Variants in ESRRG observed in about 807,000 individuals in gnomAD.
The protein encoded by ESRRG is estrogen-related receptor gamma.
A neutral mutation model predicts 44.0 loss-of-function variants in ESRRG; 13 were observed. The observed-to-expected ratio is 0.30, with a 90% CI of 0.19 to 0.47. The LOEUF (loss-of-function observed/expected upper bound fraction) is 0.47. Ranked by LOEUF, ESRRG falls within the 20% of genes least tolerant of loss-of-function variation. The pLI is 1.00. For missense variants in ESRRG, 395 were observed against 580.6 expected (o/e 0.68, Z 3.29); for synonymous variants, 215 against 214.6 (o/e 1.00, Z -0.02).
chr1:216,854,353 C>CAAAAA (rs57421256), intron 2 of ESRRG, among the ~76,000 whole-genome samples: 79 of 67,088 alleles, frequency 1.2e-3, no homozygotes, highest in Admixed American at 1.6e-3. Context: ...AAGACACCAT[C>CAAAAA]AAAAAAAAAA....
At chr1:217,003,842 C>T (rs1489314928) in intron 1 of ESRRG, among the ~76,000 whole-genome samples, 1 of 150,896 alleles carries the variant, frequency 6.6e-6, no homozygotes, top group East Asian at 1.9e-4. Flanking sequence ...TTTCAATGTC[C>T]AGATGACATA....
At chr1:216,969,288 A>G (rs1433966803) in intron 1 of ESRRG, among the ~76,000 whole-genome samples, 1 of 152,178 alleles carries the variant, frequency 6.6e-6, no homozygotes, top group Non-Finnish European at 1.5e-5. Flanking sequence ...CCACTTGAGG[A>G]GAGATATTCT....
chr1:216,712,714 T>C (rs1487494710), intron 1 of ESRRG, among the ~76,000 whole-genome samples: 1 of 152,220 alleles, frequency 6.6e-6, no homozygotes, highest in East Asian at 1.9e-4. Flanking sequence ...CAGTGATGCA[T>C]TTTTATGTTT....
rs2150595329 is a variant in ESRRG at position 216,627,380 on chromosome 1, G to A, written c.589+23593C>T. Among the ~76,000 whole-genome samples the A allele has an allele frequency of 2.0e-5, 3 of 152,096 alleles. No homozygotes were observed. In the South Asian group the frequency reaches 6.2e-4, roughly 32 times the overall value. Reference sequence around the variant, plus strand: ...CCCTCCTTTTCTTTTTGGTCACATTGTATCTGGTTTTTACTCTCTGAGATG... The same window carrying A: ...CCCTCCTTTTCTTTTTGGTCACATTATATCTGGTTTTTACTCTCTGAGATG... On this transcript the variant is annotated intron_variant, in intron 3 of 6. Coordinates refer to ENST00000408911, the MANE Select transcript of ESRRG (RefSeq NM_001438.4).
intron 1 of ESRRG, among the ~76,000 whole-genome samples, chr1:217,029,016 T>C (rs2151000701): frequency 6.6e-6 from 1 of 152,082 alleles, no homozygotes; most frequent in Middle Eastern, 3.4e-3. Context: ...AGTAATTGTG[T>C]ACCATTACAG....
chr1:216,785,769 C>A (rs965589286), intron 2 of ESRRG, among the ~76,000 whole-genome samples: 1 of 151,788 alleles, frequency 6.6e-6, no homozygotes, highest in Non-Finnish European at 1.5e-5. Flanking sequence ...GTAAACTAAA[C>A]CTTTGTAGCA....
chr1:217,035,087 C>T (rs2082647762), intron 1 of ESRRG, among the ~76,000 whole-genome samples: 1 of 152,074 alleles, frequency 6.6e-6, no homozygotes, highest in Non-Finnish European at 1.5e-5. Context: ...TGACCTTGGC[C>T]AGATTTCCTT....
intron 3 of ESRRG, among the ~76,000 whole-genome samples, chr1:216,595,640 T>C (rs918021927): frequency 6.6e-6 from 1 of 152,204 alleles, no homozygotes; most frequent in Non-Finnish European, 1.5e-5. Flanking sequence ...AAATAAATTT[T>C]GAGGAAGCCT....
chr1:216,964,767 GA>G (rs1464415073), intron 1 of ESRRG, among the ~76,000 whole-genome samples: 2 of 151,984 alleles, frequency 1.3e-5, no homozygotes, highest in East Asian at 3.9e-4. Context: ...ACCTCTGGCA[GA>G]GAAATAATAA....
At chr1:217,057,250 T>TAC (rs990608778) in intron 1 of ESRRG, among the ~76,000 whole-genome samples, 5 of 152,162 alleles carry the variant, frequency 3.3e-5, no homozygotes, top group African/African-American at 9.7e-5. Flanking sequence ...TTTAAAATGC[T>TAC]ACACACACAT....
At chr1:216,575,589 A>G (rs953410553) in intron 3 of ESRRG, among the ~76,000 whole-genome samples, 1 of 152,132 alleles carries the variant, frequency 6.6e-6, no homozygotes, top group African/African-American at 2.4e-5. Flanking sequence ...TAGCAATCCT[A>G]TGAGGCAGGT....
At chr1:216,871,613 C>T (rs564500541) in intron 2 of ESRRG, among the ~76,000 whole-genome samples, 5 of 152,090 alleles carry the variant, frequency 3.3e-5, no homozygotes, top group Admixed American at 2.0e-4. Context: ...CCTATTTCTA[C>T]TCTCAGTTCT....
rs2041247387 is a variant in ESRRG at position 216,506,550 on chromosome 1, A to G, written c.*389T>C. The G allele has an allele frequency of 2.3e-6, 1 of 434,526 alleles. No homozygotes were observed. Among genetic ancestry groups the G allele is most frequent in the Non-Finnish European group, 4.5e-6 (1 of 221,876 alleles). The allele number at this position is 434,526 out of a possible 1,614,324, so 26.9% of individuals were successfully genotyped here. On this transcript the variant is annotated 3_prime_UTR_variant, in exon 7 of 7. Coordinates refer to ENST00000408911, the MANE Select transcript of ESRRG (RefSeq NM_001438.4). The stretch of plus-strand genomic sequence containing the variant: ...TAAACTAAAGCTATTTCAAATTTAG[A>G]AAAAAGGGGAAGGATGAGAAAAGAG...
chr1:216,996,421 G>C (rs2076386737), intron 1 of ESRRG, among the ~76,000 whole-genome samples: 1 of 151,884 alleles, frequency 6.6e-6, no homozygotes, highest in South Asian at 2.1e-4. Context: ...ATAGGTAACA[G>C]TATAGATAAA....
At chr1:217,047,577 G>A (rs1022377624) in intron 1 of ESRRG, among the ~76,000 whole-genome samples, 1 of 152,106 alleles carries the variant, frequency 6.6e-6, no homozygotes, top group Non-Finnish European at 1.5e-5. Flanking sequence ...TCTATTTTTA[G>A]TAGGGAGAAT....
At chr1:216,824,625 T>A (rs1159389162) in intron 2 of ESRRG, among the ~76,000 whole-genome samples, 1 of 152,174 alleles carries the variant, frequency 6.6e-6, no homozygotes, top group East Asian at 1.9e-4. Context: ...ATAAAATGGC[T>A]GAGCAATTTA....
chr1:216,882,077 G>T (rs1028025859), intron 2 of ESRRG, among the ~76,000 whole-genome samples: 2 of 151,564 alleles, frequency 1.3e-5, no homozygotes, highest in African/African-American at 4.9e-5. Flanking sequence ...TGATACCTTT[G>T]TTTAGCCCTC....
chr1:216,544,969 T>C lies in ESRRG; in HGVS notation c.862+19250A>G, dbSNP rs574025014. Among the ~76,000 whole-genome samples the C allele has an allele frequency of 5.3e-5, 8 of 152,102 alleles. No individual in the cohort carries two copies. The South Asian group carries it at 1.7e-3, about 32-fold the overall frequency. On this transcript the variant is annotated intron_variant, in intron 5 of 6. Coordinates refer to ENST00000408911, the MANE Select transcript of ESRRG (RefSeq NM_001438.4). ...AAATGACAATAAGAATTGAATTATG[T>C]ATCCTCATATATTTTCAAGTAATTG...
intron 2 of ESRRG, among the ~76,000 whole-genome samples, chr1:216,768,450 T>TTATCTATCTATCTGTCTATCTATC (rs1488675539): frequency 8.7e-6 from 1 of 114,686 alleles, no homozygotes; most frequent in Non-Finnish European, 1.9e-5. Context: ...CTATCTATCA[T>TTATCTATCTATCTGTCTATCTATC]TATCTATCTA....
Sources: gnomAD v4.1 joint callset for allele counts (sites outside exome capture counted in the v4.1 genomes callset) on GRCh38, gnomAD v4.1.1 for gene constraint, MANE v1.5 for transcripts, NCBI Gene and HGNC (gene_info 2026-07-23, HGNC 2026-07-21) for gene names.